Variants in SARM1 observed in about 807,000 individuals in gnomAD.
SARM1 encodes the protein sterile alpha and TIR motif containing 1, also known as NAD(+) hydrolase SARM1.
SARM1 carries 60 observed loss-of-function variants against 65.1 expected under a neutral mutation model. The ratio of observed to expected loss-of-function variants is 0.92; its 90% CI spans 0.75 to 1.14. SARM1 has a LOEUF of 1.14. Ranked by LOEUF, SARM1 falls within the 50% of genes most tolerant of loss-of-function variation. The pLI is 0.00. For missense variants in SARM1, 913 were observed against 1,015.7 expected (o/e 0.90, Z 1.37); for synonymous variants, 417 against 465.4 (o/e 0.90, Z 1.34).
chr17:28,389,027 C>T (rs146476940), intron 7 of SARM1, among the ~76,000 whole-genome samples: 1 of 152,258 alleles, frequency 6.6e-6, no homozygotes, highest in African/African-American at 2.4e-5. Context: ...GGGTAACTTA[C>T]CTGTTCCACT....
In SARM1 at chr17:28,399,272, C is replaced by T; in HGVS notation, c.*2986C>T. The T allele has an allele frequency of 4.5e-6, 1 of 224,364 alleles. No individual in the cohort carries two copies. Among genetic ancestry groups the T allele is most frequent in the Non-Finnish European group, 9.0e-6 (1 of 110,670 alleles). The allele number at this position is 224,364 out of a possible 1,614,324, so 13.9% of individuals were successfully genotyped here. A position where few individuals can be genotyped will look rare whatever the true frequency, so the allele number is the denominator to read the frequency against. The stretch of plus-strand genomic sequence containing the variant: ...TGTTGGGAACCTGGTTGGGGCTGTG[C>T]AGTTTGGGCTGGAAGGAGAGATGCC... On this transcript the variant is annotated 3_prime_UTR_variant, in exon 9 of 9. Coordinates refer to ENST00000585482, the MANE Select transcript of SARM1 (RefSeq NM_015077.4).
At chr17:28,390,119 G>A (rs1033231663) in intron 7 of SARM1, among the ~76,000 whole-genome samples, 6 of 152,192 alleles carry the variant, frequency 3.9e-5, no homozygotes, top group South Asian at 2.1e-4. Context: ...ATACATTTAA[G>A]ATGTACATTG....
rs2068226060 is a variant in SARM1, at chr17:28,404,031, A to G, written c.*7745A>G. The G allele has an allele frequency of 6.4e-6, 1 of 155,682 alleles. No homozygotes were observed. The allele number at this position is 155,682 out of a possible 1,614,324, so 9.6% of individuals were successfully genotyped here. On this transcript the variant is annotated 3_prime_UTR_variant, in exon 9 of 9. Transcript: ENST00000585482. Reference sequence around the variant, plus strand: ...CTGTCTCTAAATACATCAATCAAATAAAAATTTTAAAAAGTTAACTTCCTC... The same window carrying G: ...CTGTCTCTAAATACATCAATCAAATGAAAATTTTAAAAAGTTAACTTCCTC...
chr17:28,372,607 T>C lies in SARM1; in HGVS notation c.470+105T>C. On this transcript the variant is annotated intron_variant, in intron 1 of 8. Transcript: ENST00000585482. This position sits in a 1 kb window ranked among gnomAD's most constrained non-coding sequence, Gnocchi z 5.2. ...CGTGCCTTTGCCTCCCTCACCTCTC[T>C]GACTGCCTGCACTACATCTCTGTTA... 1.2e-6 allele frequency: 1 copy of C among 806,010 alleles called. No individual in the cohort carries two copies. Among genetic ancestry groups the C allele is most frequent in the Non-Finnish European group, 1.9e-6 (1 of 534,696 alleles). 49.9% of individuals were successfully genotyped at this position (806,010 alleles called of 1,614,324 possible).
chr17:28,388,590 A>T, intron 7 of SARM1, 51 bp downstream of exon 7: 1 of 1,569,272 alleles, frequency 6.4e-7, no homozygotes, highest in Non-Finnish European at 8.7e-7. Flanking sequence ...TGTGGTCCAG[A>T]AGATAGGGTC....
At chr17:28,389,508 T>A (rs1159298167) in intron 7 of SARM1, among the ~76,000 whole-genome samples, 3 of 152,078 alleles carry the variant, frequency 2.0e-5, no homozygotes, top group African/African-American at 7.2e-5. Flanking sequence ...CATTAATCGG[T>A]CAGTAGGAAT....
At chr17:28,382,419 G>A (rs2068029339) in intron 2 of SARM1, among the ~76,000 whole-genome samples, 1 of 151,966 alleles carries the variant, frequency 6.6e-6, no homozygotes, top group African/African-American at 2.4e-5. Flanking sequence ...GGGTAGTGTA[G>A]CCTTTTGAGT....
In SARM1 at chr17:28,396,476, G is replaced by A; in HGVS notation, c.*190G>A. 1.5e-6 allele frequency: 1 copy of A among 674,218 alleles called. No homozygotes were observed. Among genetic ancestry groups the A allele is most frequent in the Admixed American group, 2.9e-5 (1 of 34,062 alleles). 41.8% of individuals were successfully genotyped at this position (674,218 alleles called of 1,614,324 possible). A position where few individuals can be genotyped will look rare whatever the true frequency, so the allele number is the denominator to read the frequency against. On this transcript the variant is annotated 3_prime_UTR_variant, in exon 9 of 9. Coordinates refer to ENST00000585482, the MANE Select transcript of SARM1 (RefSeq NM_015077.4). The stretch of plus-strand genomic sequence containing the variant: ...CTTTCCTCAGTATCTGGAGAGGGAA[G>A]GGAAGTCAGGCTTGGGCACGGGAGG...
chr17:28,381,646 C>A lies in SARM1; in HGVS notation c.914C>A (p.Pro305His). Residue 305 changes from proline to histidine, a missense_variant, in exon 2 of 9, where the codon CCT becomes CAT. Pro to His is a moderately conservative substitution (Grantham distance 77). Coordinates refer to ENST00000585482, the MANE Select transcript of SARM1 (RefSeq NM_015077.4). ...LVEPLVASLD[P>H]GRFARCLVDA... is the part of the protein sequence containing the mutation. ...GAGCCGCTTGTGGCCTCGCTGGACC[C>A]TGGCCGCTTCGCCCGCTGTCTGGTG... 6.4e-7 allele frequency: 1 copy of A among 1,558,476 alleles called. No individual in the cohort carries two copies. The highest frequency in any genetic ancestry group is 1.2e-5 in the South Asian group (1 of 84,610).
Position 28,400,420 on chromosome 17 carries a change from C to A in SARM1, c.*4134C>A, listed in dbSNP as rs1188204530. ...CCTGATCCTTCCTCCACCTAGCTCGCCATCTCGCCCTTGGAAAATGGCTCC... is the reference window on the plus strand; with the variant it reads ...CCTGATCCTTCCTCCACCTAGCTCGACATCTCGCCCTTGGAAAATGGCTCC... On this transcript the variant is annotated 3_prime_UTR_variant, in exon 9 of 9. Transcript: ENST00000585482. The A allele has an allele frequency of 1.5e-6, 1 of 659,944 alleles. No individual in the cohort carries two copies. Among genetic ancestry groups the A allele is most frequent in the African/African-American group, 1.8e-5 (1 of 54,942 alleles). The allele number at this position is 659,944 out of a possible 1,614,324, so 40.9% of individuals were successfully genotyped here.
chr17:28,372,083 C>T lies in SARM1; in HGVS notation c.51C>T (p.Ala17=). 6.7e-7 allele frequency: 1 copy of T among 1,497,600 alleles called. No homozygotes were observed. The highest frequency in any genetic ancestry group is 1.2e-5 in the South Asian group (1 of 81,376). 92.8% of individuals were successfully genotyped at this position (1,497,600 alleles called of 1,614,324 possible). The change falls in exon 1 of 9, where the codon GCC becomes GCT. Residue 17 remains alanine (A), a synonymous_variant. Coordinates refer to ENST00000585482, the MANE Select transcript of SARM1 (RefSeq NM_015077.4). The surrounding 1 kb of genome is among the most constrained non-coding windows in gnomAD (Gnocchi z 5.2). ...CCTACAAGCTGTGTCGCTTCTTCGC[C>T]ATGTCGGGCCCACGGCCGGGCGCCG... ...LSAYKLCRFF[A]MSGPRPGAER...
intron 1 of SARM1, chr17:28,373,228 G>A (rs557700175): frequency 8.5e-5 from 13 of 152,270 alleles, no homozygotes; most frequent in African/African-American, 2.7e-4. Flanking sequence ...GATGCCGCAA[G>A]AGGGTCAAAC....
Position 28,384,653 on chromosome 17 carries a change from C to A in SARM1, c.1302+84C>A, listed in dbSNP as rs1416732384. ...CTGCGTTCCCTCCCCGCCTCGCAAT[C>A]CCGCGGCGCCAGGGTCGCTTTTGGG... is the stretch of plus-strand genomic sequence containing the variant. On this transcript the variant is annotated intron_variant, in intron 3 of 8. Coordinates refer to ENST00000585482, the MANE Select transcript of SARM1 (RefSeq NM_015077.4). The surrounding 1 kb of genome is among the most constrained non-coding windows in gnomAD (Gnocchi z 4.4). 1.2e-5 allele frequency: 17 copies of A among 1,389,778 alleles called. No homozygotes were observed. The highest frequency in any genetic ancestry group is 1.6e-5 in the Non-Finnish European group (16 of 1,025,338). The allele number at this position is 1,389,778 out of a possible 1,614,324, so 86.1% of individuals were successfully genotyped here.
At chr17:28,395,512 T>C (rs1311806798) in intron 7 of SARM1, 5 of 192,852 alleles carry the variant, frequency 2.6e-5, no homozygotes, top group African/African-American at 1.2e-4. Flanking sequence ...CTCCAGCACC[T>C]CTCTGGAGGC....
rs782287467 is a variant in SARM1, at chr17:28,400,687, T to C, written c.*4401T>C. 6 of 1,612,302 alleles carry C rather than the reference T, an allele frequency of 3.7e-6. No individual in the cohort carries two copies. In the African/African-American group the frequency reaches 5.3e-5, roughly 14 times the overall value. On this transcript the variant is annotated 3_prime_UTR_variant, in exon 9 of 9. Transcript: ENST00000585482. ...ACCCCTTCATAAAGTTCAGAGTGGCTGGGTAGAGTGAGTTGAAGATGCCGG... is the reference window on the plus strand; with the variant it reads ...ACCCCTTCATAAAGTTCAGAGTGGCCGGGTAGAGTGAGTTGAAGATGCCGG...
In SARM1 at chr17:28,385,255, G is replaced by A; in HGVS notation, c.1610G>A (p.Arg537His). Residue 537 changes from arginine (R) to histidine (H), a missense_variant, in exon 5 of 9, where the codon CGC (arginine) becomes CAC (histidine). Around this residue, in one of 3 missense-constraint regions of SARM1, gnomAD observed 862 missense variants for 952.1 expected, o/e 0.91. Transcript: ENST00000585482. The surrounding 1 kb of genome is among the most constrained non-coding windows in gnomAD (Gnocchi z 4.5). ...CGIHLGVHRA[R>H]ILTAAREMLH... is the part of the protein sequence containing the mutation. ...ATCCACCTGGGCGTGCACCGCGCCC[G>A]CATCCTCACGGCGGCCAGAGGTCAG... The A allele has an allele frequency of 1.3e-6, 2 of 1,563,952 alleles. No individual in the cohort carries two copies. Among genetic ancestry groups the A allele is most frequent in the South Asian group, 1.2e-5 (1 of 86,456 alleles).
At chr17:28,387,483 C>T (rs572876178) in intron 5 of SARM1, among the ~76,000 whole-genome samples, 1 of 148,582 alleles carries the variant, frequency 6.7e-6, no homozygotes, top group Admixed American at 6.8e-5. Context: ...CTTGGCCCCC[C>T]ACAGTGCTGG....
chr17:28,391,707 CAAAA>C (rs1206857097), intron 7 of SARM1, among the ~76,000 whole-genome samples: 11 of 56,770 alleles, frequency 1.9e-4, no homozygotes, highest in African/African-American at 5.8e-4. Context: ...GCAATTGCAC[CAAAA>C]AAAAAAAAAA....
rs368855743 is a variant in SARM1 at position 28,396,111 on chromosome 17, T to A, written c.2046-46T>A. On this transcript the variant is annotated intron_variant, in intron 8 of 8. Transcript: ENST00000585482. ...TGTGGGCAAACAGCTGACTAGCAGC[T>A]CCCTCTGCCCAGCTGTCTGAACCAC... The A allele has an allele frequency of 1.1e-4, 171 of 1,613,640 alleles. No individual in the cohort carries two copies. The African/African-American group carries it at 1.8e-3, about 17-fold the overall frequency.
Sources: gnomAD v4.1 joint callset for allele counts (sites outside exome capture counted in the v4.1 genomes callset) on GRCh38, gnomAD v4.1.1 for gene constraint, gnomAD v4.1.1 regional missense constraint, Gnocchi (gnomAD v3.1) non-coding constraint, MANE v1.5 for transcripts, NCBI Gene and HGNC (gene_info 2026-07-23, HGNC 2026-07-21) for gene names.